The following ABHD18 variants were observed in gnomAD, a reference collection of about 807,000 sequenced individuals.
ABHD18 encodes the protein cardiolipin-specific deacylase, mitochondrial.
In ABHD18, 55 loss-of-function variants were observed where a neutral mutation model predicts 65.9. That is an observed-to-expected ratio of 0.84 (90% CI 0.67 to 1.05). The LOEUF is 1.05. Among genes scored for constraint, ABHD18 ranks in the 50% least tolerant of loss-of-function variants. The probability of loss-of-function intolerance (pLI) is 0.00; values close to 1 mark genes in which losing one functional copy is unlikely to be tolerated. For synonymous variants in ABHD18, 181 were observed against 180.2 expected, an observed-to-expected ratio of 1.00 and a Z score of -0.04; for missense variants, 533 against 558.5, an observed-to-expected ratio of 0.95 and a Z score of 0.46.
At position 127,966,884 on chromosome 4, in the gene ABHD18, C is replaced by CAA. The variant is rs1177943709; in HGVS notation, c.-18+1293_-18+1294dup. 4.7e-3 allele frequency among the ~76,000 whole-genome samples: 388 copies of CAA among 82,568 alleles called. 2 individuals carry two copies. The highest frequency in any genetic ancestry group is 0.016 in the African/African-American group (351 of 22,136). 54.2% of individuals were successfully genotyped at this position (82,568 alleles called of 152,430 possible). ...TGGGCAACAGAGTGAGATTCTGTCT[C>CAA]AAAAAAAAAAAAAAAACCAAAAACC... On this transcript the variant is annotated intron_variant, in intron 1 of 12. Transcript: ENST00000645843.
chr4:128,020,529 G>T (rs892169022), intron 9 of ABHD18, among the ~76,000 whole-genome samples: 3 of 152,182 alleles, frequency 2.0e-5, no homozygotes, highest in Non-Finnish European at 4.4e-5. Context: ...TTTATCAGGG[G>T]TTAGTGACTT....
At chr4:127,968,450 T>A (rs923407624) in intron 1 of ABHD18, among the ~76,000 whole-genome samples, 2 of 152,244 alleles carry the variant, frequency 1.3e-5, no homozygotes, top group African/African-American at 4.8e-5. Flanking sequence ...TACATGGTGA[T>A]ATTTTTTAAA....
intron 1 of ABHD18, among the ~76,000 whole-genome samples, chr4:127,980,636 C>T (rs1224841351): frequency 3.3e-5 from 5 of 151,474 alleles, no homozygotes; most frequent in African/African-American, 4.9e-5. Flanking sequence ...CCAGCCTGGA[C>T]GACATGGTGA....
chr4:127,984,905 G>T (rs1461264403), intron 3 of ABHD18, among the ~76,000 whole-genome samples: 1 of 152,110 alleles, frequency 6.6e-6, no homozygotes, highest in African/African-American at 2.4e-5. Context: ...GCGTTAACTG[G>T]ATGTTTTTAA....
chr4:127,993,286 C>T (rs1229141548), intron 4 of ABHD18, among the ~76,000 whole-genome samples: 1 of 152,144 alleles, frequency 6.6e-6, no homozygotes, highest in Non-Finnish European at 1.5e-5. Context: ...TGTGCTTTTA[C>T]TCAGACTCAG....
intron 11 of ABHD18, 66 bp from the exon 12 acceptor site, chr4:128,030,444 T>G (rs1244582142): frequency 3.6e-6 from 4 of 1,117,582 alleles, no homozygotes; most frequent in Non-Finnish European, 3.6e-6. Flanking sequence ...TTTTATTTAC[T>G]GCATTGTGTG....
intron 10 of ABHD18, among the ~76,000 whole-genome samples, chr4:128,023,820 CT>C (rs1756934632): frequency 6.6e-6 from 1 of 152,148 alleles, no homozygotes; most frequent in Admixed American, 6.6e-5. Flanking sequence ...GAAGGCAGAG[CT>C]TGCAGTAAGC....
chr4:128,021,328 T>G (rs1310015933), intron 10 of ABHD18, 90 bp downstream of exon 10: 1 of 786,696 alleles, frequency 1.3e-6, no homozygotes, highest in African/African-American at 1.8e-5. Context: ...ATAGCAAATT[T>G]TTAAAAACAT....
At chr4:128,012,567 C>G (rs1754753658) in intron 7 of ABHD18, among the ~76,000 whole-genome samples, 1 of 151,790 alleles carries the variant, frequency 6.6e-6, no homozygotes, top group South Asian at 2.1e-4. Context: ...TTATCAATGA[C>G]CAGTGAATGA....
At chr4:128,010,904 CAAAA>C (rs35809796) in intron 6 of ABHD18, among the ~76,000 whole-genome samples, 1 of 65,312 alleles carries the variant, frequency 1.5e-5, no homozygotes. Context: ...GACTGCGCCT[CAAAA>C]AAAAAAAAAA....
intron 2 of ABHD18, 46 bp from the exon 3 acceptor site, chr4:127,984,293 A>T: frequency 9.0e-7 from 1 of 1,115,966 alleles, no homozygotes; most frequent in South Asian, 1.4e-5. Context: ...TTAGTAGGTG[A>T]TATAAAAGAT....
intron 4 of ABHD18, among the ~76,000 whole-genome samples, chr4:128,003,418 TAC>T (rs1435820337): frequency 1.3e-5 from 2 of 149,484 alleles, no homozygotes; most frequent in Non-Finnish European, 3.0e-5. Flanking sequence ...TAAATTAAAA[TAC>T]ATATTGTAAA....
chr4:128,025,868 A>G (rs988165166), intron 10 of ABHD18, among the ~76,000 whole-genome samples: 5 of 152,178 alleles, frequency 3.3e-5, no homozygotes, highest in African/African-American at 1.2e-4. Context: ...TAAGTTTAAG[A>G]GCAGTTTGGC....
intron 10 of ABHD18, among the ~76,000 whole-genome samples, chr4:128,024,819 A>C (rs1757097912): frequency 6.6e-6 from 1 of 151,888 alleles, no homozygotes; most frequent in South Asian, 2.1e-4. Context: ...CAGCCTCCCG[A>C]GTAGCTGGGA....
intron 1 of ABHD18, among the ~76,000 whole-genome samples, chr4:127,979,783 CT>C (rs1748660083): frequency 6.6e-6 from 1 of 151,500 alleles, no homozygotes; most frequent in South Asian, 2.1e-4. Context: ...GGGCGTGCTG[CT>C]GTGTGCCTGT....
chr4:127,988,604 C>T (rs988038979), intron 3 of ABHD18, among the ~76,000 whole-genome samples: 5 of 151,964 alleles, frequency 3.3e-5, no homozygotes, highest in African/African-American at 9.7e-5. Flanking sequence ...ATATGGCCAC[C>T]GTGCCTGGCC....
At chr4:128,016,433 G>A (rs1027176599) in intron 7 of ABHD18, among the ~76,000 whole-genome samples, 7 of 152,110 alleles carry the variant, frequency 4.6e-5, no homozygotes, top group African/African-American at 1.7e-4. Flanking sequence ...AGTAATACAT[G>A]AGCCTAGTGT....
intron 11 of ABHD18, among the ~76,000 whole-genome samples, chr4:128,029,115 G>C (rs72618819): frequency 6.6e-6 from 1 of 152,012 alleles, no homozygotes. Context: ...ATTTTGGGAG[G>C]CTGAGGCAGG....
intron 9 of ABHD18, 86 bp from the exon 10 acceptor site, chr4:128,021,050 AG>A: frequency 1.4e-6 from 1 of 692,510 alleles, no homozygotes; most frequent in South Asian, 2.4e-5. Context: ...AAAAAAAAAA[AG>A]GTAGTCTCAC....
Sources: allele counts gnomAD v4.1 joint callset (sites outside exome capture counted in the v4.1 genomes callset), GRCh38; gene constraint gnomAD v4.1.1; transcripts MANE v1.5; gene names NCBI Gene and HGNC (gene_info 2026-07-23, HGNC 2026-07-21).